Variants in TMEM132D observed in about 807,000 individuals in gnomAD.
TMEM132D encodes the protein mature OL transmembrane protein.
TMEM132D carries 21 observed loss-of-function variants against 62.3 expected under a neutral mutation model. The observed-to-expected ratio is 0.34, with a 90% CI of 0.24 to 0.49. The LOEUF (loss-of-function observed/expected upper bound fraction) is 0.49. Among genes scored for constraint, TMEM132D ranks in the 20% least tolerant of loss-of-function variants. The pLI, the probability that TMEM132D is intolerant of heterozygous loss-of-function variation, is 0.99. For synonymous variants in TMEM132D, 621 were observed against 575.6 expected, an observed-to-expected ratio of 1.08 and a Z score of -1.13; for missense variants, 1,346 against 1,402.8, an observed-to-expected ratio of 0.96 and a Z score of 0.65.
intron 5 of TMEM132D, among the ~76,000 whole-genome samples, chr12:129,154,752 C>T (rs140680548): frequency 6.6e-6 from 1 of 152,090 alleles, no homozygotes; most frequent in African/African-American, 2.4e-5. Flanking sequence ...TAAATTAGAA[C>T]TTTCTGACTC....
chr12:129,112,604 G>C (rs566911352), intron 5 of TMEM132D, among the ~76,000 whole-genome samples: 12 of 152,146 alleles, frequency 7.9e-5, no homozygotes, highest in African/African-American at 2.4e-4. Flanking sequence ...CAGAGGTTGC[G>C]GTGAGCCAAG....
At chr12:129,824,444 C>T (rs756024832) in intron 1 of TMEM132D, among the ~76,000 whole-genome samples, 3 of 152,120 alleles carry the variant, frequency 2.0e-5, no homozygotes, top group Non-Finnish European at 2.9e-5. Flanking sequence ...TGCCCTCCCC[C>T]GCCCCCAGAA....
intron 3 of TMEM132D, among the ~76,000 whole-genome samples, chr12:129,482,919 G>C (rs181305397): frequency 6.8e-6 from 1 of 148,146 alleles, no homozygotes; most frequent in East Asian, 2.0e-4. Flanking sequence ...CAAACATCTG[G>C]TTTTATCTCT....
chr12:129,874,341 C>T (rs943438661), intron 1 of TMEM132D, among the ~76,000 whole-genome samples: 1 of 151,856 alleles, frequency 6.6e-6, no homozygotes, highest in Non-Finnish European at 1.5e-5. Context: ...ACCTGGGAGG[C>T]GGAGACTGCA....
intron 4 of TMEM132D, among the ~76,000 whole-genome samples, chr12:129,258,235 T>TTA (rs1350070703): frequency 6.6e-6 from 1 of 152,164 alleles, no homozygotes; most frequent in African/African-American, 2.4e-5. Flanking sequence ...GTTTCAAGGA[T>TTA]TCAAGAAGAT....
At chr12:129,896,270 G>C (rs1013254723) in intron 1 of TMEM132D, among the ~76,000 whole-genome samples, 4 of 152,064 alleles carry the variant, frequency 2.6e-5, no homozygotes, top group Non-Finnish European at 4.4e-5. Flanking sequence ...TTACAGACAT[G>C]AGCCATCATG....
At chr12:129,313,567 G>GTATATA (rs773684911) in intron 4 of TMEM132D, among the ~76,000 whole-genome samples, 1 of 116,540 alleles carries the variant, frequency 8.6e-6, no homozygotes, top group African/African-American at 3.0e-5. Context: ...GTGTGTGTGT[G>GTATATA]TGTATATATA....
At chr12:129,403,565 C>T (rs2135701575) in intron 3 of TMEM132D, among the ~76,000 whole-genome samples, 1 of 151,958 alleles carries the variant, frequency 6.6e-6, no homozygotes, top group East Asian at 1.9e-4. Flanking sequence ...ATGGCAAAAG[C>T]AAATCTGACA....
At chr12:129,267,506 T>C (rs1880728448) in intron 4 of TMEM132D, among the ~76,000 whole-genome samples, 1 of 152,150 alleles carries the variant, frequency 6.6e-6, no homozygotes, top group Non-Finnish European at 1.5e-5. Flanking sequence ...CAAGGAGAAC[T>C]ACAAACCACT....
At chr12:129,087,649 A>C (rs565817713) in intron 5 of TMEM132D, among the ~76,000 whole-genome samples, 2 of 152,312 alleles carry the variant, frequency 1.3e-5, no homozygotes, top group Admixed American at 1.3e-4. Context: ...ATTCCCCACT[A>C]GAGCCTCTGG....
intron 1 of TMEM132D, among the ~76,000 whole-genome samples, chr12:129,714,254 G>A (rs1868483302): frequency 6.6e-6 from 1 of 152,190 alleles, no homozygotes; most frequent in Non-Finnish European, 1.5e-5. Context: ...CATGACCACT[G>A]AAGTAACCCT....
At chr12:129,572,763 G>A (rs868392086) in intron 2 of TMEM132D, among the ~76,000 whole-genome samples, 44 of 152,118 alleles carry the variant, frequency 2.9e-4, no homozygotes, top group Admixed American at 2.2e-3. Context: ...GGGTCTGTTT[G>A]TAAACTGGGG....
intron 4 of TMEM132D, among the ~76,000 whole-genome samples, chr12:129,273,153 G>A (rs778081356): frequency 1.1e-4 from 16 of 151,702 alleles, no homozygotes; most frequent in Non-Finnish European, 1.5e-4. Context: ...CTGAGATTGC[G>A]CCCCTGCACG....
intron 5 of TMEM132D, among the ~76,000 whole-genome samples, chr12:129,144,022 T>C (rs1454571963): frequency 6.6e-6 from 1 of 152,116 alleles, no homozygotes; most frequent in African/African-American, 2.4e-5. Flanking sequence ...ATTTAACATT[T>C]TTCTTGCGGG....
chr12:129,311,140 G>A (rs923986831), intron 4 of TMEM132D, among the ~76,000 whole-genome samples: 7 of 92,642 alleles, frequency 7.6e-5, no homozygotes, highest in African/African-American at 2.2e-4. Flanking sequence ...GGAGCTTGCA[G>A]TGAGCCGAGA....
chr12:129,367,049 A>T (rs1306692650), intron 3 of TMEM132D, among the ~76,000 whole-genome samples: 1 of 152,222 alleles, frequency 6.6e-6, no homozygotes, highest in East Asian at 1.9e-4. Flanking sequence ...GCTGACAGGC[A>T]CTGAAAACCA....
chr12:129,130,015 C>CTGCG (rs1876324775), intron 5 of TMEM132D, among the ~76,000 whole-genome samples: 2 of 141,956 alleles, frequency 1.4e-5, no homozygotes, highest in Admixed American at 1.4e-4. Context: ...AAGCTCTGCT[C>CTGCG]TGTGTGTGTG....
intron 2 of TMEM132D, among the ~76,000 whole-genome samples, chr12:129,536,935 T>C (rs1860296161): frequency 1.3e-5 from 2 of 152,038 alleles, no homozygotes; most frequent in African/African-American, 4.8e-5. Flanking sequence ...GGTGGGAAGA[T>C]CACCTGAGGC....
intron 4 of TMEM132D, among the ~76,000 whole-genome samples, chr12:129,213,054 C>T (rs925730841): frequency 7.9e-5 from 12 of 152,240 alleles, no homozygotes; most frequent in Admixed American, 1.3e-4. Flanking sequence ...GCAAGTGACA[C>T]GGGGAAAAGG....
Sources: allele counts gnomAD v4.1 joint callset (sites outside exome capture counted in the v4.1 genomes callset), GRCh38; gene constraint gnomAD v4.1.1; transcripts MANE v1.5; gene names NCBI Gene and HGNC (gene_info 2026-07-23, HGNC 2026-07-21).